The following ANKRD13A variants were observed in gnomAD, a reference collection of about 807,000 sequenced individuals.
ANKRD13A encodes the protein ankyrin repeat domain 13A, also known as ankyrin repeat domain-containing protein 13A.
ANKRD13A carries 48 observed loss-of-function variants against 81.3 expected under a neutral mutation model. That is an observed-to-expected ratio of 0.59 (90% CI 0.47 to 0.75). The LOEUF is 0.75. Ranked by LOEUF, ANKRD13A falls within the 30% of genes least tolerant of loss-of-function variation. ANKRD13A has a pLI of 0.00. For synonymous variants in ANKRD13A, 230 were observed against 270.1 expected (o/e 0.85, Z 1.45); for missense variants, 612 against 734.0 (o/e 0.83, Z 1.92).
chr12:110,026,012 A>C (rs1891301739), intron 8 of ANKRD13A, among the ~76,000 whole-genome samples, 189 bp downstream of exon 8: 1 of 148,734 alleles, frequency 6.7e-6, no homozygotes, highest in African/African-American at 2.5e-5. Flanking sequence ...CCCAGGCTGG[A>C]GTGCAGTGGC....
chr12:110,039,130 C>A lies in ANKRD13A; in HGVS notation c.*1576C>A, dbSNP rs566597629. 6.6e-6 allele frequency: 1 copy of A among 151,336 alleles called. No individual in the cohort carries two copies. The highest frequency in any genetic ancestry group is 1.5e-5 in the Non-Finnish European group (1 of 67,950). 9.4% of individuals were successfully genotyped at this position (151,336 alleles called of 1,614,324 possible). ...CTGCACATGAGGCCAGTATAGGCAA[C>A]GTCACATTTGTTTGTTTCAAATATG... On this transcript the variant is annotated 3_prime_UTR_variant, in exon 15 of 15. Coordinates refer to ENST00000261739, the MANE Select transcript of ANKRD13A (RefSeq NM_033121.2).
At chr12:110,004,065 G>T (rs1324237101) in intron 1 of ANKRD13A, among the ~76,000 whole-genome samples, 1 of 152,092 alleles carries the variant, frequency 6.6e-6, no homozygotes, top group African/African-American at 2.4e-5. Context: ...GGCTGAGGTG[G>T]GAGAATCGCT....
chr12:110,009,668 C>G (rs1890414732), intron 1 of ANKRD13A, among the ~76,000 whole-genome samples: 1 of 152,176 alleles, frequency 6.6e-6, no homozygotes, highest in Non-Finnish European at 1.5e-5. Context: ...TCGACTGCCT[C>G]TTCAGATGAG....
chr12:110,037,206 C>T (rs1244524880), intron 14 of ANKRD13A, among the ~76,000 whole-genome samples, 153 bp from the exon 15 acceptor site: 1 of 152,194 alleles, frequency 6.6e-6, no homozygotes, highest in Non-Finnish European at 1.5e-5. Flanking sequence ...GTATACAACA[C>T]CTACACCGCC....
chr12:110,016,038 A>ACCT (rs1890784554), intron 3 of ANKRD13A, among the ~76,000 whole-genome samples: 1 of 142,632 alleles, frequency 7.0e-6, no homozygotes, highest in Admixed American at 7.3e-5. Context: ...TGCAGCCTCC[A>ACCT]CCTCCTGGCC....
intron 8 of ANKRD13A, 129 bp from the exon 9 acceptor site, chr12:110,027,576 T>G: frequency 1.2e-6 from 1 of 836,744 alleles, no homozygotes; most frequent in East Asian, 2.4e-5. Context: ...TTGTGAATGA[T>G]TTGATCAGCC....
intron 7 of ANKRD13A, among the ~76,000 whole-genome samples, chr12:110,024,820 T>A (rs1439466203): frequency 6.6e-6 from 1 of 152,214 alleles, no homozygotes; most frequent in Non-Finnish European, 1.5e-5. Context: ...TCACGTGGCA[T>A]ATAGAGAGAA....
chr12:110,001,277 A>G (rs1466366496), intron 1 of ANKRD13A, among the ~76,000 whole-genome samples: 1 of 151,814 alleles, frequency 6.6e-6, no homozygotes, highest in Non-Finnish European at 1.5e-5. Flanking sequence ...TTGTAGAGGA[A>G]GAGGAGGATT....
intron 13 of ANKRD13A, among the ~76,000 whole-genome samples, chr12:110,034,390 C>G (rs960295392): frequency 2.0e-5 from 3 of 152,128 alleles, no homozygotes; most frequent in Non-Finnish European, 4.4e-5. Flanking sequence ...CTCTCTGGGT[C>G]TCTAGTGAAA....
At position 110,014,946 on chromosome 12, in the gene ANKRD13A, G is replaced by T. The variant is rs1254710265; in HGVS notation, c.355-1442G>T. Among the ~76,000 whole-genome samples, 3 of 152,042 alleles carry T rather than the reference G, an allele frequency of 2.0e-5. No individual in the cohort carries two copies. In the East Asian group the frequency reaches 5.8e-4, roughly 29 times the overall value. On this transcript the variant is annotated intron_variant, in intron 3 of 14. Transcript: ENST00000261739. The stretch of plus-strand genomic sequence containing the variant: ...CTACAGGCGCCCACCACCGCGCCCG[G>T]CTAATTTTTTTTTTTGTATTTTTAG...
intron 4 of ANKRD13A, among the ~76,000 whole-genome samples, chr12:110,016,996 A>G (rs1890834477): frequency 6.6e-6 from 1 of 151,270 alleles, no homozygotes; most frequent in Non-Finnish European, 1.5e-5. Flanking sequence ...CTGGTCTCAA[A>G]CTCCTGACCT....
At chr12:110,033,575 TTA>T (rs1349309339) in intron 12 of ANKRD13A, among the ~76,000 whole-genome samples, 1 of 152,200 alleles carries the variant, frequency 6.6e-6, no homozygotes, top group African/African-American at 2.4e-5. Flanking sequence ...GTGTATTTTT[TTA>T]TGACTGTGTT....
At chr12:110,025,692 T>G (rs772373765) in intron 7 of ANKRD13A, 50 bp from the exon 8 acceptor site, 2 of 1,423,890 alleles carry the variant, frequency 1.4e-6, no homozygotes, top group African/African-American at 2.9e-5. Context: ...TGCTTACTTT[T>G]GGAGTTTTGA....
chr12:110,036,999 G>A lies in ANKRD13A; in HGVS notation c.1578-360G>A, dbSNP rs1892095288. Among the ~76,000 whole-genome samples the A allele has an allele frequency of 6.6e-6, 1 of 152,202 alleles. No individual in the cohort carries two copies. ...AAGTTTATATAATTGTAAAGATAAG[G>A]AAGTTTGGAGGAACAGCTCCAGAGA... On this transcript the variant is annotated intron_variant, in intron 14 of 14. Coordinates refer to ENST00000261739, the MANE Select transcript of ANKRD13A (RefSeq NM_033121.2). The surrounding 1 kb of genome is among the most constrained non-coding windows in gnomAD (Gnocchi z 4.6).
chr12:109,999,632 C>A lies in ANKRD13A; in HGVS notation c.-57C>A. 2.1e-6 allele frequency: 3 copies of A among 1,426,734 alleles called. No homozygotes were observed. The highest frequency in any genetic ancestry group is 1.5e-5 in the African/African-American group (1 of 67,804). The allele number at this position is 1,426,734 out of a possible 1,614,324, so 88.4% of individuals were successfully genotyped here. A position where few individuals can be genotyped will look rare whatever the true frequency, so the allele number is the denominator to read the frequency against. ...GGGCAGGCAGGCGGGCGCGGGAGAC[C>A]CCGCCGGGGCCGAGACTTGGGGCGG... On this transcript the variant is annotated 5_prime_UTR_variant, in exon 1 of 15. Transcript: ENST00000261739. The surrounding 1 kb of genome is among the most constrained non-coding windows in gnomAD (Gnocchi z 4.3).
At chr12:110,035,864 A>G (rs1892012185) in intron 13 of ANKRD13A, among the ~76,000 whole-genome samples, 1 of 152,180 alleles carries the variant, frequency 6.6e-6, no homozygotes, top group South Asian at 2.1e-4. Flanking sequence ...GCAGTGAGCT[A>G]CGATCACATC....
At chr12:110,021,221 G>T (rs1334962267) in intron 6 of ANKRD13A, 68 of 446,722 alleles carry the variant, frequency 1.5e-4, no homozygotes, top group South Asian at 1.0e-3. Flanking sequence ...ATGTGTGCTT[G>T]TCGTGCATTG....
At chr12:110,002,723 G>A (rs183230470) in intron 1 of ANKRD13A, among the ~76,000 whole-genome samples, 78 of 152,240 alleles carry the variant, frequency 5.1e-4, no homozygotes, top group African/African-American at 1.6e-3. Flanking sequence ...TCCTCATTCC[G>A]TCTATCACCT....
In ANKRD13A at chr12:110,012,040, A is replaced by G; in HGVS notation, c.132A>G (p.Leu44=). Reference sequence around the variant, plus strand: ...CTGTGGACCCACGAGGTCGAACATTATTGCATCTTGCTGTTTCCTTGGGAC... The same window carrying G: ...CTGTGGACCCACGAGGTCGAACATTGTTGCATCTTGCTGTTTCCTTGGGAC... ...VEAVDPRGRT[L]LHLAVSLGHL... is the part of the protein sequence containing the mutation. Residue 44 remains leucine (L), a synonymous_variant, in exon 2 of 15, where the codon TTA becomes TTG. Coordinates refer to ENST00000261739, the MANE Select transcript of ANKRD13A (RefSeq NM_033121.2). 1 of 1,612,632 alleles carries G rather than the reference A, an allele frequency of 6.2e-7. No individual in the cohort carries two copies. The highest frequency in any genetic ancestry group is 8.5e-7 in the Non-Finnish European group (1 of 1,178,718).
Sources: allele counts gnomAD v4.1 joint callset (sites outside exome capture counted in the v4.1 genomes callset), GRCh38; gene constraint gnomAD v4.1.1; non-coding constraint Gnocchi (gnomAD v3.1); transcripts MANE v1.5; gene names NCBI Gene and HGNC (gene_info 2026-07-23, HGNC 2026-07-21).